Variants in MELTF observed in about 807,000 individuals in gnomAD.
MELTF encodes antigen p97 (melanoma associated) identified by monoclonal antibodies 133.2 and 96.5.
A neutral mutation model predicts 83.7 loss-of-function variants in MELTF; 67 were observed. The ratio of observed to expected loss-of-function variants is 0.80; its 90% CI spans 0.66 to 0.98. MELTF has a LOEUF of 0.98. MELTF is among the 50% of genes least tolerant of loss of function. The pLI is 0.00. For synonymous variants in MELTF, 462 were observed against 447.6 expected (o/e 1.03, Z -0.41); for missense variants, 1,002 against 1,035.6 (o/e 0.97, Z 0.44).
rs1719930068 is a variant in MELTF, at chr3:197,027,916, G to A, written c.50-6C>T. On this transcript the variant is annotated splice_region_variant and splice_polypyrimidine_tract_variant and intron_variant, in intron 1 of 15. Coordinates refer to ENST00000296350, the MANE Select transcript of MELTF (RefSeq NM_005929.6). ...CACCTCCATGCCACCGAGCACTGCG[G>A]GCAGGGGACCGTGAGGCCCGGCTCC... 4 of 1,572,968 alleles carry A rather than the reference G, an allele frequency of 2.5e-6. No homozygotes were observed. Among genetic ancestry groups the A allele is most frequent in the Non-Finnish European group, 3.4e-6 (4 of 1,159,560 alleles).
rs1191510978 is a variant in MELTF, at chr3:197,002,560, G to A, written c.*812C>T. ...CCACGCGCAGCCCTTCAGGGGCCTC[G>A]GGAGCCCGCGGCCTGGGTCACCTCC... On this transcript the variant is annotated 3_prime_UTR_variant, in exon 16 of 16. Transcript: ENST00000296350. 2.0e-5 allele frequency: 3 copies of A among 152,206 alleles called. No individual in the cohort carries two copies. The highest frequency in any genetic ancestry group is 6.5e-5 in the Admixed American group (1 of 15,288). 9.4% of individuals were successfully genotyped at this position (152,206 alleles called of 1,614,324 possible).
In MELTF at chr3:197,010,703, T is replaced by TAGTG. The variant is rs1719155328; in HGVS notation, c.1321_1324dup (p.Tyr442SerfsTer29). On this transcript the variant is annotated frameshift_variant, in exon 10 of 16. Coordinates refer to ENST00000296350, the MANE Select transcript of MELTF (RefSeq NM_005929.6). LOFTEE classifies it high-confidence loss of function. Reference sequence around the variant, plus strand: ...GCGGCAGGCCCTGCACTCACGGGCATAGTGCTCCCCGGCTGCGGGAACCAG... The same window carrying TAGTG: ...GCGGCAGGCCCTGCACTCACGGGCATAGTGAGTGCTCCCCGGCTGCGGGAACCAG... 3.1e-6 allele frequency: 5 copies of TAGTG among 1,612,642 alleles called. No individual in the cohort carries two copies. The highest frequency in any genetic ancestry group is 4.2e-6 in the Non-Finnish European group (5 of 1,179,674).
intron 6 of MELTF, chr3:197,018,959 A>T: frequency 1.0e-6 from 1 of 985,404 alleles, no homozygotes; most frequent in South Asian, 4.7e-5. Context: ...ATGGTCCCAC[A>T]TAACAATATT....
Position 197,008,811 on chromosome 3 carries a change from G to C in MELTF, c.1680C>G (p.Phe560Leu), listed in dbSNP as rs1719070305. Residue 560 changes from phenylalanine (F) to leucine (L), a missense_variant and splice_region_variant, in exon 12 of 16, where the codon TTC (phenylalanine) becomes TTG (leucine). Physicochemically the swap from Phe to Leu is conservative, Grantham distance 22 (BLOSUM62 0). Coordinates refer to ENST00000296350, the MANE Select transcript of MELTF (RefSeq NM_005929.6). The surrounding 1 kb of genome is among the most constrained non-coding windows in gnomAD (Gnocchi z 5.4). ...QERYYGYRGA[F>L]RCLVENAGDV... ...AGACTGCCAGGCCACCCGGGTACCT[G>C]AAGGCGCCGCGGTAGCCGTAATACC... is the stretch of plus-strand genomic sequence containing the variant. 1 of 1,614,102 alleles carries C rather than the reference G, an allele frequency of 6.2e-7. No individual in the cohort carries two copies. The highest frequency in any genetic ancestry group is 1.3e-5 in the African/African-American group (1 of 75,050).
At chr3:197,019,933 G>A (rs964014966) in intron 6 of MELTF, 141 of 1,324,218 alleles carry the variant, frequency 1.1e-4, no homozygotes, top group Non-Finnish European at 1.3e-4. Context: ...TGGCAGGTGC[G>A]GGGAGATAAC....
intron 11 of MELTF, among the ~76,000 whole-genome samples, 168 bp from the exon 12 acceptor site, chr3:197,009,133 T>G (rs1719089907): frequency 6.6e-6 from 1 of 152,146 alleles, no homozygotes; most frequent in South Asian, 2.1e-4. Flanking sequence ...CTGGAGGATC[T>G]CAGTGCGGGG....
chr3:197,010,664 C>T (rs1293792020), intron 10 of MELTF, 34 bp downstream of exon 10: 8 of 1,572,180 alleles, frequency 5.1e-6, no homozygotes, highest in African/African-American at 1.3e-5. Flanking sequence ...TCCCCACCTC[C>T]CGGCTGAGGC....
At chr3:197,013,385 A>G (rs1365912680) in intron 9 of MELTF, among the ~76,000 whole-genome samples, 2 of 152,226 alleles carry the variant, frequency 1.3e-5, no homozygotes, top group African/African-American at 4.8e-5. Context: ...AATGGATGAG[A>G]GGCCTAAATG....
At chr3:197,009,058 C>A (rs9823897) in intron 11 of MELTF, 93 bp from the exon 12 acceptor site, 56,458 of 1,477,596 alleles carry the variant, frequency 0.038, 4,286 homozygotes, top group African/African-American at 0.3. Context: ...CTGCCCACCC[C>A]CCGGATCCTA....
intron 6 of MELTF, chr3:197,019,761 C>T (rs768103729): frequency 6.3e-7 from 1 of 1,596,974 alleles, no homozygotes; most frequent in Admixed American, 1.7e-5. Context: ...CGCCTTCTTC[C>T]TCCTCAGATC....
rs767324174 is a variant in MELTF, at chr3:197,022,917, C to T, written c.644+40G>A. On this transcript the variant is annotated intron_variant, in intron 5 of 15. Transcript: ENST00000296350. The surrounding 1 kb of genome is among the most constrained non-coding windows in gnomAD (Gnocchi z 5.1). ...TCCCCAGCATTTGTGGCCTCAGCTC[C>T]TCCCTGCCCTCGGCCCCTCCCTGCC... 2 of 1,569,594 alleles carry T rather than the reference C, an allele frequency of 1.3e-6. No homozygotes were observed. Among genetic ancestry groups the T allele is most frequent in the Non-Finnish European group, 1.7e-6 (2 of 1,158,322 alleles).
At position 197,006,314 on chromosome 3, in the gene MELTF, T is replaced by A. The variant is rs1014845256; in HGVS notation, c.1938+235A>T. Reference sequence around the variant, plus strand: ...GTTTGTTCTTTAAGGATGGCAGAAGTCACAGCATGTTTCATGTTGGTGAAA... The same window carrying A: ...GTTTGTTCTTTAAGGATGGCAGAAGACACAGCATGTTTCATGTTGGTGAAA... On this transcript the variant is annotated intron_variant, in intron 14 of 15. Transcript: ENST00000296350. The surrounding 1 kb of genome is among the most constrained non-coding windows in gnomAD (Gnocchi z 5.4). Among the ~76,000 whole-genome samples the A allele has an allele frequency of 1.3e-5, 2 of 152,206 alleles. No individual in the cohort carries two copies. The highest frequency in any genetic ancestry group is 6.5e-5 in the Admixed American group (1 of 15,282).
At chr3:197,016,795 C>T (rs1719394414) in intron 7 of MELTF, among the ~76,000 whole-genome samples, 1 of 145,256 alleles carries the variant, frequency 6.9e-6, no homozygotes, top group Admixed American at 6.8e-5. Flanking sequence ...TTGAAAGGCG[C>T]TGGTTTTGTT....
intron 4 of MELTF, among the ~76,000 whole-genome samples, chr3:197,023,682 C>T (rs1020565589): frequency 2.0e-5 from 3 of 152,094 alleles, no homozygotes; most frequent in East Asian, 1.9e-4. Flanking sequence ...CCACGCTCAT[C>T]GCCAGCCAGA....
rs764802707 is a variant in MELTF, at chr3:197,015,448, C to T, written c.1150G>A (p.Val384Met). ...PEIQKCGDMA[V>M]AFRRQRLKPE... ...TTGAGCCGCTGCCGGCGGAAGGCCACGGCCATGTCTCCACACTTCTGGATC... is the reference window on the plus strand; with the variant it reads ...TTGAGCCGCTGCCGGCGGAAGGCCATGGCCATGTCTCCACACTTCTGGATC... The change falls in exon 9 of 16, where the codon GTG becomes ATG. Residue 384 changes from valine (V) to methionine (M), a missense_variant. Transcript: ENST00000296350. 1.9e-5 allele frequency: 31 copies of T among 1,607,922 alleles called. No individual in the cohort carries two copies. The highest frequency in any genetic ancestry group is 6.7e-5 in the South Asian group (6 of 89,784).
rs1719174054 is a variant in MELTF at position 197,011,147 on chromosome 3, C to T, written c.1234-353G>A. Among the ~76,000 whole-genome samples, 1 of 152,246 alleles carries T rather than the reference C, an allele frequency of 6.6e-6. No homozygotes were observed. The highest frequency in any genetic ancestry group is 2.4e-5 in the African/African-American group (1 of 41,476). On this transcript the variant is annotated intron_variant, in intron 9 of 15. Coordinates refer to ENST00000296350, the MANE Select transcript of MELTF (RefSeq NM_005929.6). The surrounding 1 kb of genome is among the most constrained non-coding windows in gnomAD (Gnocchi z 4.2). ...CTGTGCCCTGCCAGCCCCCAGACAG[C>T]CGGGCACCGCCTCTCCAGCACCTGG...
chr3:197,023,212 T>C, intron 4 of MELTF, 99 bp from the exon 5 acceptor site: 1 of 1,200,542 alleles, frequency 8.3e-7, no homozygotes. Context: ...ATCTGGACTC[T>C]GCTGAGAATG....
At chr3:197,019,240 C>A in intron 6 of MELTF, 1 of 1,018,164 alleles carries the variant, frequency 9.8e-7, no homozygotes, top group Non-Finnish European at 1.2e-6. Context: ...GGTTAGAGCT[C>A]TGGGGCATCA....
chr3:197,019,012 A>C (rs1309891811), intron 6 of MELTF: 1 of 985,314 alleles, frequency 1.0e-6, no homozygotes, highest in Non-Finnish European at 1.2e-6. Context: ...TCTACAAGGA[A>C]ATAGGAAGAA....
Sources: allele counts gnomAD v4.1 joint callset (sites outside exome capture counted in the v4.1 genomes callset), GRCh38; gene constraint gnomAD v4.1.1; non-coding constraint Gnocchi (gnomAD v3.1); transcripts MANE v1.5; gene names NCBI Gene and HGNC (gene_info 2026-07-23, HGNC 2026-07-21).